The following EML5 variants were observed in gnomAD, a reference collection of about 807,000 sequenced individuals.
EML5 encodes the protein EMAP like 5.
A neutral mutation model predicts 250.0 loss-of-function variants in EML5; 120 were observed. That is an observed-to-expected ratio of 0.48 (90% CI 0.41 to 0.56). The LOEUF (loss-of-function observed/expected upper bound fraction) is 0.56. EML5 is among the 20% of genes least tolerant of loss of function. EML5 has a pLI of 0.00. For missense variants in EML5, 2,006 were observed against 2,437.6 expected (o/e 0.82, Z 3.73); for synonymous variants, 771 against 806.5 (o/e 0.96, Z 0.75).
At chr14:88,624,920 C>A in intron 36 of EML5, 50 bp downstream of exon 36, 1 of 1,597,616 alleles carries the variant, frequency 6.3e-7, no homozygotes, top group South Asian at 1.1e-5. Context: ...CTGCAAACCT[C>A]AGGTAGGTCA....
chr14:88,675,487 A>T (rs1333553869), intron 21 of EML5, among the ~76,000 whole-genome samples: 1 of 152,228 alleles, frequency 6.6e-6, no homozygotes, highest in African/African-American at 2.4e-5. Flanking sequence ...CAGGGTACCA[A>T]GTCCCTAGGC....
At chr14:88,664,744 A>G (rs2092255049) in intron 22 of EML5, 120 bp from the exon 23 acceptor site, 1 of 946,832 alleles carries the variant, frequency 1.1e-6, no homozygotes, top group East Asian at 2.6e-5. Flanking sequence ...CATAAATTAT[A>G]ATAAAACAGA....
chr14:88,715,192 A>C lies in EML5; in HGVS notation c.1191T>G (p.Asp397Glu), dbSNP rs1372231306. 1 of 1,581,592 alleles carries C rather than the reference A, an allele frequency of 6.3e-7. No individual in the cohort carries two copies. ...DGSFTVLRVR[D>E]MTEVVHIKDR... ...CTTTAATATGTACAACTTCCGTCAT[A>C]TCTCTGTTAAAAAGAAAAAAATGAG... Residue 397 changes from aspartate (D) to glutamate (E), a missense_variant, in exon 9 of 44, where the codon GAT becomes GAG. By Grantham distance (45) the Asp-to-Glu change is conservative (BLOSUM62 2). Around this residue, in one of 7 missense-constraint regions of EML5, gnomAD observed 1,375 missense variants for 1,590.3 expected, o/e 0.86. Transcript: ENST00000554922.
At chr14:88,712,530 T>C in intron 9 of EML5, 47 bp from the exon 10 acceptor site, 2 of 1,506,328 alleles carry the variant, frequency 1.3e-6, no homozygotes, top group Non-Finnish European at 1.8e-6. Flanking sequence ...TTCATTTGAT[T>C]TTCTCAAGCC....
intron 33 of EML5, among the ~76,000 whole-genome samples, chr14:88,633,207 T>C (rs569060245): frequency 6.6e-6 from 1 of 152,322 alleles, no homozygotes; most frequent in East Asian, 1.9e-4. Context: ...TTTGTTTTAT[T>C]GCCATCATCT....
At chr14:88,702,831 T>C (rs987781900) in intron 13 of EML5, among the ~76,000 whole-genome samples, 199 bp from the exon 14 acceptor site, 2 of 152,172 alleles carry the variant, frequency 1.3e-5, no homozygotes, top group African/African-American at 4.8e-5. Context: ...TGCAGTTCCC[T>C]GCAATTTTGA....
rs556647362 is a variant in EML5, at chr14:88,776,521, GAAGA to G, written c.197+15782_197+15785del. On this transcript the variant is annotated intron_variant, in intron 1 of 43. Transcript: ENST00000554922. Reference sequence around the variant, plus strand: ...CTTTAATAGCAGAATTGATCAAGCAGAAGAAAGAATTAGTGAGTCTGAAGACAGG... The same window carrying G: ...CTTTAATAGCAGAATTGATCAAGCAGAAGAATTAGTGAGTCTGAAGACAGG... Among the ~76,000 whole-genome samples, 46 of 152,028 alleles carry G rather than the reference GAAGA, an allele frequency of 3.0e-4. 1 individual carries two copies. The South Asian group carries it at 9.4e-3, about 31-fold the overall frequency.
chr14:88,760,506 T>C (rs1458523207), intron 1 of EML5, among the ~76,000 whole-genome samples: 1 of 152,152 alleles, frequency 6.6e-6, no homozygotes, highest in Non-Finnish European at 1.5e-5. Context: ...ACCCTGTATT[T>C]TACACCATTA....
chr14:88,665,525 T>G, intron 21 of EML5, 36 bp from the exon 22 acceptor site: 1 of 1,612,432 alleles, frequency 6.2e-7, no homozygotes, highest in Middle Eastern at 1.7e-4. Context: ...AATTTTCCCT[T>G]TTTTCTAATT....
intron 1 of EML5, among the ~76,000 whole-genome samples, chr14:88,788,807 C>T (rs1445116857): frequency 6.6e-6 from 1 of 151,694 alleles, no homozygotes; most frequent in Non-Finnish European, 1.5e-5. Flanking sequence ...TCTGTAATCC[C>T]AACACTTTGG....
At chr14:88,775,012 C>G (rs1318265895) in intron 1 of EML5, among the ~76,000 whole-genome samples, 2 of 152,182 alleles carry the variant, frequency 1.3e-5, no homozygotes, top group Non-Finnish European at 2.9e-5. Context: ...TTCCCTGGGA[C>G]AGAAGGGAAA....
chr14:88,710,624 C>A (rs2093389328), intron 10 of EML5, among the ~76,000 whole-genome samples: 1 of 152,112 alleles, frequency 6.6e-6, no homozygotes, highest in South Asian at 2.1e-4. Flanking sequence ...TTATATTAAT[C>A]CATTAAAAAT....
chr14:88,627,116 TG>T (rs1307672436), intron 34 of EML5, 70 bp from the exon 35 acceptor site: 10 of 1,497,102 alleles, frequency 6.7e-6, no homozygotes, highest in African/African-American at 1.4e-5. Context: ...CAAACAAATA[TG>T]TAAAATACAT....
chr14:88,642,155 A>G (rs755817551), intron 31 of EML5, among the ~76,000 whole-genome samples: 2 of 152,234 alleles, frequency 1.3e-5, no homozygotes, highest in Admixed American at 6.5e-5. Flanking sequence ...GGATGAAGCT[A>G]TCAGAGGAAA....
intron 29 of EML5, among the ~76,000 whole-genome samples, chr14:88,645,118 C>T (rs563614517): frequency 9.2e-5 from 14 of 152,230 alleles, no homozygotes; most frequent in African/African-American, 3.1e-4. Flanking sequence ...CTCCACCTCC[C>T]GGGTTCAAGC....
At chr14:88,618,460 C>CACT in intron 40 of EML5, 129 bp from the exon 41 acceptor site, 1 of 1,092,538 alleles carries the variant, frequency 9.2e-7, no homozygotes, top group Non-Finnish European at 1.3e-6. Context: ...TGCAAAAGAT[C>CACT]ACTACAAAAA....
intron 1 of EML5, among the ~76,000 whole-genome samples, chr14:88,784,311 T>C (rs2094528218): frequency 6.6e-6 from 1 of 151,576 alleles, no homozygotes; most frequent in Non-Finnish European, 1.5e-5. Context: ...ATAAATGACA[T>C]TGACATTTTA....
chr14:88,627,080 A>G (rs2090026267), intron 34 of EML5, 34 bp from the exon 35 acceptor site: 1 of 1,598,696 alleles, frequency 6.3e-7, no homozygotes, highest in East Asian at 2.2e-5. Flanking sequence ...CTAGGTTATT[A>G]CAAGAACCAA....
At chr14:88,759,848 T>C (rs967348548) in intron 1 of EML5, among the ~76,000 whole-genome samples, 8 of 152,088 alleles carry the variant, frequency 5.3e-5, no homozygotes, top group African/African-American at 1.7e-4. Flanking sequence ...TTTTCCACAG[T>C]AGTTGTACCA....
Sources: gnomAD v4.1 joint callset for allele counts (sites outside exome capture counted in the v4.1 genomes callset) on GRCh38, gnomAD v4.1.1 for gene constraint, gnomAD v4.1.1 regional missense constraint, MANE v1.5 for transcripts, NCBI Gene and HGNC (gene_info 2026-07-23, HGNC 2026-07-21) for gene names.